Variants in CIT observed in about 807,000 individuals in gnomAD.
The protein encoded by CIT is citron Rho-interacting kinase.
In CIT, 79 loss-of-function variants were observed where a neutral mutation model predicts 272.7. That is an observed-to-expected ratio of 0.29 (90% CI 0.24 to 0.35). The LOEUF (loss-of-function observed/expected upper bound fraction) is 0.35. CIT is among the 10% of genes least tolerant of loss of function. The probability of loss-of-function intolerance (pLI) is 1.00; values close to 1 mark genes in which losing one functional copy is unlikely to be tolerated. For synonymous variants in CIT, 948 were observed against 995.6 expected, an observed-to-expected ratio of 0.95 and a Z score of 0.90; for missense variants, 1,909 against 2,618.3, an observed-to-expected ratio of 0.73 and a Z score of 5.91.
intron 32 of CIT, among the ~76,000 whole-genome samples, chr12:119,717,383 G>A (rs981238880): frequency 7.0e-6 from 1 of 142,796 alleles, no homozygotes; most frequent in Admixed American, 7.0e-5. Flanking sequence ...AGAGAGAGAT[G>A]TGCTTATTTT....
At chr12:119,701,530 C>T in intron 43 of CIT, 94 bp downstream of exon 43, 1 of 1,439,452 alleles carries the variant, frequency 6.9e-7, no homozygotes, top group Non-Finnish European at 9.4e-7. Context: ...CAAACCTATC[C>T]TGCCCCAGAG....
At chr12:119,764,420 T>TA (rs889561447) in intron 19 of CIT, among the ~76,000 whole-genome samples, 4 of 151,676 alleles carry the variant, frequency 2.6e-5, no homozygotes, top group African/African-American at 9.7e-5. Context: ...TGTCTAGAAG[T>TA]AAAAAATATA....
intron 10 of CIT, among the ~76,000 whole-genome samples, chr12:119,789,014 G>A (rs1965062443): frequency 6.6e-6 from 1 of 152,160 alleles, no homozygotes; most frequent in Non-Finnish European, 1.5e-5. Context: ...AGGCTGGAGA[G>A]TAAAGGTTAT....
intron 3 of CIT, among the ~76,000 whole-genome samples, chr12:119,867,769 A>G (rs1207108241): frequency 6.6e-6 from 1 of 152,104 alleles, no homozygotes; most frequent in East Asian, 1.9e-4. Context: ...ACACTAATGT[A>G]AGAGTATGAA....
chr12:119,751,169 T>G (rs1342357989), intron 23 of CIT, among the ~76,000 whole-genome samples: 1 of 152,136 alleles, frequency 6.6e-6, no homozygotes, highest in African/African-American at 2.4e-5. Context: ...CCTCCGGGGA[T>G]CCTTCCAAGA....
intron 28 of CIT, among the ~76,000 whole-genome samples, chr12:119,725,295 G>T (rs1396009181): frequency 6.6e-6 from 1 of 151,860 alleles, no homozygotes; most frequent in African/African-American, 2.4e-5. Context: ...GAGTGCTGGT[G>T]TATACCTGTA....
chr12:119,766,999 C>A (rs1335509122), intron 19 of CIT, 88 bp downstream of exon 19: 3 of 896,564 alleles, frequency 3.3e-6, no homozygotes, highest in Non-Finnish European at 4.8e-6. Flanking sequence ...TTTGGTCCAG[C>A]AAGAAATGGC....
At chr12:119,741,254 C>T (rs931548627) in intron 24 of CIT, among the ~76,000 whole-genome samples, 2 of 152,246 alleles carry the variant, frequency 1.3e-5, no homozygotes, top group South Asian at 2.1e-4. Context: ...AGAGCACATC[C>T]TCTGTGATTC....
chr12:119,761,976 G>A (rs190297947), intron 19 of CIT, among the ~76,000 whole-genome samples: 13 of 152,270 alleles, frequency 8.5e-5, no homozygotes, highest in Middle Eastern at 3.4e-3. Context: ...ACAACCCTAC[G>A]TTCCTCACCA....
intron 10 of CIT, among the ~76,000 whole-genome samples, chr12:119,800,709 AG>A (rs1372557415): frequency 1.3e-5 from 2 of 152,246 alleles, no homozygotes; most frequent in Admixed American, 1.3e-4. Context: ...GAAAAGAAAA[AG>A]AAACTCAGGA....
At chr12:119,871,051 G>A (rs549719974) in intron 2 of CIT, among the ~76,000 whole-genome samples, 5 of 151,862 alleles carry the variant, frequency 3.3e-5, no homozygotes, top group Non-Finnish European at 5.9e-5. Context: ...CCCAGGAGGC[G>A]GAGGTTGCAG....
chr12:119,713,942 A>G lies in CIT; in HGVS notation c.4306+255T>C, dbSNP rs1444907436. ...TTGGAGTCAGCGGAAAGGTAGGGAGAGACCAGCCTGACAAAAAGGGGCTGG... is the reference window on the plus strand; with the variant it reads ...TTGGAGTCAGCGGAAAGGTAGGGAGGGACCAGCCTGACAAAAAGGGGCTGG... On this transcript the variant is annotated intron_variant, in intron 33 of 47. Coordinates refer to ENST00000392521, the MANE Select transcript of CIT (RefSeq NM_001206999.2). This position sits in a 1 kb window ranked among gnomAD's most constrained non-coding sequence, Gnocchi z 5.2. 1.7e-6 allele frequency: 1 copy of G among 605,480 alleles called. No individual in the cohort carries two copies. Among genetic ancestry groups the G allele is most frequent in the African/African-American group, 1.9e-5 (1 of 53,956 alleles). The allele number at this position is 605,480 out of a possible 1,614,324, so 37.5% of individuals were successfully genotyped here. A position where few individuals can be genotyped will look rare whatever the true frequency, so the allele number is the denominator to read the frequency against.
chr12:119,776,286 G>T, intron 15 of CIT, 72 bp downstream of exon 15: 1 of 1,102,866 alleles, frequency 9.1e-7, no homozygotes, highest in Non-Finnish European at 1.4e-6. Flanking sequence ...TCAATGATGG[G>T]CCACTGATAA....
intron 7 of CIT, among the ~76,000 whole-genome samples, chr12:119,826,434 T>A (rs1395835224): frequency 6.6e-6 from 1 of 152,224 alleles, no homozygotes; most frequent in Non-Finnish European, 1.5e-5. Context: ...TCCTTCTGAC[T>A]TTTTTAGTGT....
chr12:119,861,488 G>A (rs989363652), intron 3 of CIT, among the ~76,000 whole-genome samples: 4 of 152,004 alleles, frequency 2.6e-5, no homozygotes, highest in African/African-American at 9.7e-5. Flanking sequence ...TTAGGAGGCT[G>A]AGGCAGGAGA....
In CIT at chr12:119,712,499, G is replaced by T; in HGVS notation, c.4684+92C>A. ...CGGAGGAAGATGGGCCTCCTTTGCAGAGCCAATCTTCCCTGTACCACCCCT... is the reference window on the plus strand; with the variant it reads ...CGGAGGAAGATGGGCCTCCTTTGCATAGCCAATCTTCCCTGTACCACCCCT... On this transcript the variant is annotated intron_variant, in intron 36 of 47. Coordinates refer to ENST00000392521, the MANE Select transcript of CIT (RefSeq NM_001206999.2). This position sits in a 1 kb window ranked among gnomAD's most constrained non-coding sequence, Gnocchi z 5.2. 7.1e-7 allele frequency: 1 copy of T among 1,406,826 alleles called. No homozygotes were observed. The highest frequency in any genetic ancestry group is 9.9e-7 in the Non-Finnish European group (1 of 1,007,642). The allele number at this position is 1,406,826 out of a possible 1,614,324, so 87.1% of individuals were successfully genotyped here.
chr12:119,829,274 G>A (rs1593888021), intron 7 of CIT, among the ~76,000 whole-genome samples: 2 of 152,034 alleles, frequency 1.3e-5, no homozygotes, highest in Admixed American at 1.3e-4. Context: ...GGAGGCGGAG[G>A]TTGCAGTGAG....
At chr12:119,731,474 T>TC (rs1200767486) in intron 26 of CIT, among the ~76,000 whole-genome samples, 7 of 63,672 alleles carry the variant, frequency 1.1e-4, no homozygotes, top group Non-Finnish European at 3.0e-5. Context: ...GACTCCATTC[T>TC]CAAAAAAAAA....
At chr12:119,698,277 AGGGATTGGC>A in intron 44 of CIT, 1 of 583,002 alleles carries the variant, frequency 1.7e-6, no homozygotes, top group Admixed American at 2.7e-5. Context: ...TGTACAGTGT[AGGGATTGGC>A]TAAATACATT....
Sources: allele counts gnomAD v4.1 joint callset (sites outside exome capture counted in the v4.1 genomes callset), GRCh38; gene constraint gnomAD v4.1.1; non-coding constraint Gnocchi (gnomAD v3.1); transcripts MANE v1.5; gene names NCBI Gene and HGNC (gene_info 2026-07-23, HGNC 2026-07-21).